Variants in VRK2 observed in about 807,000 individuals in gnomAD.
The protein encoded by VRK2 is serine/threonine-protein kinase VRK2.
A neutral mutation model predicts 57.6 loss-of-function variants in VRK2; 60 were observed. That is an observed-to-expected ratio of 1.04 (90% CI 0.85 to 1.29). The LOEUF (loss-of-function observed/expected upper bound fraction) is 1.29. Among genes scored for constraint, VRK2 ranks in the 50% most tolerant of loss-of-function variants. VRK2 has a pLI of 0.00. For missense variants in VRK2, 705 were observed against 588.1 expected (o/e 1.20, Z -2.06); for synonymous variants, 231 against 199.2 (o/e 1.16, Z -1.35).
At chr2:58,017,152 T>C (rs559042877) in intron 1 of VRK2, among the ~76,000 whole-genome samples, 1 of 152,304 alleles carries the variant, frequency 6.6e-6, no homozygotes, top group Non-Finnish European at 1.5e-5. Flanking sequence ...AAGAGGTGTC[T>C]TTTGACACAG....
Position 58,135,166 on chromosome 2 carries a change from G to A in VRK2, c.823G>A (p.Val275Met), listed in dbSNP as rs754501037. The change falls in exon 10 of 13, where the codon GTG (valine) becomes ATG (methionine). Residue 275 changes from valine (V) to methionine (M), a missense_variant. Val to Met is a conservative substitution (Grantham distance 21). Transcript: ENST00000340157. ...TCTGTTGGACGAGCTCCCCCAGTCAGTGCTTAAATGGGCTCCTTCTGGAAG... is the reference window on the plus strand; with the variant it reads ...TCTGTTGGACGAGCTCCCCCAGTCAATGCTTAAATGGGCTCCTTCTGGAAG... ...TNLLDELPQS[V>M]LKWAPSGSSC... is the part of the protein sequence containing the mutation. 8 of 1,614,190 alleles carry A rather than the reference G, an allele frequency of 5.0e-6. No individual in the cohort carries two copies. Among genetic ancestry groups the A allele is most frequent in the East Asian group, 2.2e-5 (1 of 44,884 alleles).
intron 2 of VRK2, chr2:58,033,139 A>G (rs1270214202): frequency 6.6e-6 from 1 of 152,118 alleles, no homozygotes; most frequent in Non-Finnish European, 1.5e-5. Flanking sequence ...TTTATGCATA[A>G]GGATAACTTG....
chr2:58,154,647 T>C (rs1683520901), intron 12 of VRK2: 2 of 675,238 alleles, frequency 3.0e-6, no homozygotes, highest in Admixed American at 2.4e-5. Flanking sequence ...TCCTGGGGTC[T>C]CTTTGACCCA....
At chr2:57,970,813 C>G (rs1305767256) in intron 1 of VRK2, among the ~76,000 whole-genome samples, 1 of 151,948 alleles carries the variant, frequency 6.6e-6, no homozygotes, top group East Asian at 1.9e-4. Context: ...ACTCTCTTCT[C>G]CCTTCTACTA....
At chr2:58,069,779 G>A (rs1669132879) in intron 2 of VRK2, among the ~76,000 whole-genome samples, 1 of 152,120 alleles carries the variant, frequency 6.6e-6, no homozygotes, top group South Asian at 2.1e-4. Context: ...CTCCGACTTA[G>A]GATATTCATT....
chr2:58,159,768 G>A lies in VRK2; in HGVS notation c.*75G>A. On this transcript the variant is annotated 3_prime_UTR_variant, in exon 13 of 13. Coordinates refer to ENST00000340157, the MANE Select transcript of VRK2 (RefSeq NM_006296.7). ...ACCGAAATGTTGTATTCTTATTTCA[G>A]TGTTTCCTTCCAGACATTTTTAAGG... 1 of 1,613,056 alleles carries A rather than the reference G, an allele frequency of 6.2e-7. No homozygotes were observed. The highest frequency in any genetic ancestry group is 1.1e-5 in the South Asian group (1 of 90,998).
intron 1 of VRK2, among the ~76,000 whole-genome samples, chr2:57,922,960 A>C (rs1670403085): frequency 1.3e-5 from 2 of 152,010 alleles, no homozygotes; most frequent in South Asian, 4.1e-4. Flanking sequence ...CAAATAAGTG[A>C]GAATATGAGA....
chr2:57,915,703 T>G (rs1268827076), intron 1 of VRK2, among the ~76,000 whole-genome samples: 1 of 152,206 alleles, frequency 6.6e-6, no homozygotes, highest in Non-Finnish European at 1.5e-5. Context: ...AGGCTCAAGC[T>G]GCATTGACAG....
chr2:58,057,558 G>A (rs1572883102), intron 2 of VRK2, among the ~76,000 whole-genome samples: 1 of 152,218 alleles, frequency 6.6e-6, no homozygotes, highest in East Asian at 1.9e-4. Context: ...AGACCTAATA[G>A]CAAGTATAAA....
In VRK2 at chr2:58,055,134, G is replaced by A. The variant is rs953919637; in HGVS notation, c.136+6167G>A. Among the ~76,000 whole-genome samples the A allele has an allele frequency of 2.0e-5, 3 of 152,166 alleles. No individual in the cohort carries two copies. In the East Asian group the frequency reaches 5.8e-4, roughly 29 times the overall value. On this transcript the variant is annotated intron_variant, in intron 2 of 12. Coordinates refer to ENST00000340157, the MANE Select transcript of VRK2 (RefSeq NM_006296.7). The stretch of plus-strand genomic sequence containing the variant: ...ATGATAACAGGAGGATCTTCTGGCA[G>A]AAGAAGTGACTTTTGCTGCGTTCTG...
At chr2:57,997,319 A>G (rs1013074206) in intron 1 of VRK2, among the ~76,000 whole-genome samples, 31 of 152,030 alleles carry the variant, frequency 2.0e-4, no homozygotes, top group African/African-American at 2.7e-4. Context: ...AATATTACCA[A>G]TATTGGAGAT....
chr2:58,015,475 T>G (rs36120096), intron 1 of VRK2, among the ~76,000 whole-genome samples: 1 of 152,168 alleles, frequency 6.6e-6, no homozygotes, highest in Admixed American at 6.5e-5. Context: ...TCAATACCTA[T>G]CTCATTATTA....
At chr2:57,999,598 T>A (rs535805120) in intron 1 of VRK2, among the ~76,000 whole-genome samples, 1 of 152,252 alleles carries the variant, frequency 6.6e-6, no homozygotes, top group South Asian at 2.1e-4. Context: ...ATATAAAAAA[T>A]TTTGAAAGAA....
intron 1 of VRK2, among the ~76,000 whole-genome samples, chr2:57,932,898 G>T (rs1314517021): frequency 6.6e-6 from 1 of 151,966 alleles, no homozygotes; most frequent in African/African-American, 2.4e-5. Context: ...ACTTTCATTT[G>T]TCTCAAGATA....
intron 1 of VRK2, among the ~76,000 whole-genome samples, chr2:57,916,725 A>C (rs1670167378): frequency 6.6e-6 from 1 of 152,218 alleles, no homozygotes; most frequent in Non-Finnish European, 1.5e-5. Flanking sequence ...AAGACAGCTT[A>C]GACCATGTGT....
chr2:57,938,708 A>T (rs935689375), intron 1 of VRK2, among the ~76,000 whole-genome samples: 5 of 152,104 alleles, frequency 3.3e-5, no homozygotes, highest in Admixed American at 3.3e-4. Flanking sequence ...CATAAACAGA[A>T]GTTGTCACAT....
At chr2:57,981,524 T>A (rs781333105) in intron 1 of VRK2, among the ~76,000 whole-genome samples, 3 of 152,176 alleles carry the variant, frequency 2.0e-5, no homozygotes, top group Non-Finnish European at 4.4e-5. Flanking sequence ...TAGGGATGAG[T>A]CATCTTGTGT....
intron 2 of VRK2, among the ~76,000 whole-genome samples, chr2:58,062,689 G>T (rs1248156952): frequency 6.6e-6 from 1 of 152,054 alleles, no homozygotes; most frequent in Non-Finnish European, 1.5e-5. Flanking sequence ...CTTCCATTCT[G>T]GGAAAGCTGA....
chr2:58,141,995 T>C (rs1324693669), intron 11 of VRK2, among the ~76,000 whole-genome samples: 1 of 151,992 alleles, frequency 6.6e-6, no homozygotes, highest in Non-Finnish European at 1.5e-5. Context: ...TAGTTATATG[T>C]AGTTAAGTAT....
Sources: allele counts gnomAD v4.1 joint callset (sites outside exome capture counted in the v4.1 genomes callset), GRCh38; gene constraint gnomAD v4.1.1; transcripts MANE v1.5; gene names NCBI Gene and HGNC (gene_info 2026-07-23, HGNC 2026-07-21).